EDNRB: variants seen among roughly 807,000 people sequenced by gnomAD.
EDNRB encodes the protein Hirschsprung disease 2.
In EDNRB, 18 loss-of-function variants were observed where a neutral mutation model predicts 46.4. That is an observed-to-expected ratio of 0.39 (90% CI 0.27 to 0.57). The LOEUF (loss-of-function observed/expected upper bound fraction) is 0.57, where lower values mean the gene tolerates loss of function less well. EDNRB is among the 20% of genes least tolerant of loss of function. EDNRB has a pLI of 0.61. For missense variants in EDNRB, 434 were observed against 537.5 expected (o/e 0.81, Z 1.90); for synonymous variants, 213 against 204.9 (o/e 1.04, Z -0.34).
intron 1 of EDNRB, among the ~76,000 whole-genome samples, chr13:77,948,708 A>G (rs1261426156): frequency 1.3e-5 from 2 of 152,200 alleles, no homozygotes. Context: ...TATTATAAGA[A>G]TATTGATATT....
intron 1 of EDNRB, among the ~76,000 whole-genome samples, chr13:77,915,693 T>C (rs1304539195): frequency 1.3e-5 from 2 of 152,222 alleles, no homozygotes; most frequent in Non-Finnish European, 2.9e-5. Context: ...GCCATTATTA[T>C]GATATTGTGT....
intron 1 of EDNRB, among the ~76,000 whole-genome samples, chr13:77,942,345 C>T (rs562319121): frequency 6.6e-5 from 10 of 152,086 alleles, no homozygotes; most frequent in African/African-American, 1.7e-4. Context: ...TTCACAACAA[C>T]GCTGAAAGAT....
chr13:77,940,167 T>C (rs1216294392), intron 1 of EDNRB, among the ~76,000 whole-genome samples: 2 of 152,180 alleles, frequency 1.3e-5, no homozygotes, highest in Non-Finnish European at 2.9e-5. Context: ...ACCACTGTAT[T>C]CCAGGTGCTA....
chr13:77,968,026 C>A (rs1220069855), intron 1 of EDNRB, among the ~76,000 whole-genome samples: 6 of 152,106 alleles, frequency 3.9e-5, no homozygotes, highest in African/African-American at 1.2e-4. Flanking sequence ...TAAGTTTATT[C>A]CCTAAGTTCA....
intron 1 of EDNRB, among the ~76,000 whole-genome samples, chr13:77,940,295 G>T (rs918936993): frequency 6.7e-6 from 1 of 150,328 alleles, no homozygotes; most frequent in Admixed American, 6.7e-5. Context: ...CATAAAAGAG[G>T]AAATGGTTAA....
At chr13:77,969,686 C>T (rs1881675195) in intron 1 of EDNRB, among the ~76,000 whole-genome samples, 1 of 152,184 alleles carries the variant, frequency 6.6e-6, no homozygotes, top group Non-Finnish European at 1.5e-5. Context: ...TACCCGCCTG[C>T]ACCATTTTCA....
At chr13:77,935,826 A>G (rs1335133960) in intron 1 of EDNRB, among the ~76,000 whole-genome samples, 1 of 152,216 alleles carries the variant, frequency 6.6e-6, no homozygotes, top group African/African-American at 2.4e-5. Context: ...CCAGAACAGA[A>G]TAATGGATTG....
chr13:77,948,744 C>T (rs1566332969), intron 1 of EDNRB, among the ~76,000 whole-genome samples: 1 of 152,186 alleles, frequency 6.6e-6, no homozygotes, highest in East Asian at 1.9e-4. Flanking sequence ...CAACTCAAGA[C>T]TTGTAGCGTC....
intron 1 of EDNRB, among the ~76,000 whole-genome samples, chr13:77,948,774 CA>C: frequency 6.6e-6 from 1 of 152,176 alleles, no homozygotes; most frequent in Non-Finnish European, 1.5e-5. Context: ...CCATTTACTG[CA>C]AAAAATTCCA....
In EDNRB at chr13:77,918,577, G is replaced by T; in HGVS notation, c.-4C>A. On this transcript the variant is annotated 5_prime_UTR_variant, in exon 1 of 7. Coordinates refer to ENST00000646607, the MANE Select transcript of EDNRB (RefSeq NM_001122659.3). This position sits in a 1 kb window ranked among gnomAD's most constrained non-coding sequence, Gnocchi z 4.5. The stretch of plus-strand genomic sequence containing the variant: ...ACAGACTTGGAGGCGGCTGCATGCT[G>T]CTACCTGCTCCAGAAGGCGTCCGGT... The T allele has an allele frequency of 6.3e-7, 1 of 1,591,490 alleles. No homozygotes were observed.
intron 1 of EDNRB, among the ~76,000 whole-genome samples, chr13:77,942,038 C>G (rs1417633958): frequency 1.3e-5 from 2 of 152,180 alleles, no homozygotes; most frequent in African/African-American, 4.8e-5. Flanking sequence ...GTGCTTACCT[C>G]TGATGTCAAT....
chr13:77,935,021 A>G (rs201030917), intron 1 of EDNRB, among the ~76,000 whole-genome samples: 4,526 of 113,064 alleles, frequency 0.04, 538 homozygotes, highest in East Asian at 0.27. Flanking sequence ...TCTGGGCCAG[A>G]AACAATGGTA....
chr13:77,963,069 T>G (rs1213109218), intron 1 of EDNRB, among the ~76,000 whole-genome samples: 1 of 152,180 alleles, frequency 6.6e-6, no homozygotes, highest in Non-Finnish European at 1.5e-5. Flanking sequence ...ACAAGGGATG[T>G]GAAGGACCTC....
chr13:77,902,703 G>A (rs1879061058), intron 3 of EDNRB, among the ~76,000 whole-genome samples: 1 of 151,950 alleles, frequency 6.6e-6, no homozygotes, highest in South Asian at 2.1e-4. Context: ...ATGCAGCAGT[G>A]GGAACTAGCT....
intron 1 of EDNRB, among the ~76,000 whole-genome samples, chr13:77,951,790 T>G (rs1023591046): frequency 2.6e-5 from 4 of 152,056 alleles, no homozygotes; most frequent in African/African-American, 9.7e-5. Flanking sequence ...GAGAGGAGGC[T>G]TTAACCCTCT....
chr13:77,924,954 G>C (rs529675524), intron 1 of EDNRB, among the ~76,000 whole-genome samples: 1 of 152,298 alleles, frequency 6.6e-6, no homozygotes, highest in African/African-American at 2.4e-5. Context: ...ATGTGGAGCT[G>C]TAAGTCCAAT....
rs148877646 is a variant in EDNRB at position 77,945,153 on chromosome 13, T to A, written c.-51-26529A>T. Among the ~76,000 whole-genome samples, 8 of 152,334 alleles carry A rather than the reference T, an allele frequency of 5.3e-5. No individual in the cohort carries two copies. The East Asian group carries it at 1.5e-3, about 29-fold the overall frequency. ...TGACAATTTCAGTCTCAGGGTTGCA[T>A]GGCTTCACTGAGGTGTACATGTGTA... is the stretch of plus-strand genomic sequence containing the variant. On this transcript the variant is annotated intron_variant, in intron 1 of 7. Transcript: ENST00000646948.
In EDNRB at chr13:77,897,311, G is replaced by A. The variant is rs200568490; in HGVS notation, c.*889C>T. 8.1e-6 allele frequency: 8 copies of A among 985,228 alleles called. No homozygotes were observed. The highest frequency in any genetic ancestry group is 6.0e-6 in the Non-Finnish European group (5 of 829,864). The allele number at this position is 985,228 out of a possible 1,614,324, so 61.0% of individuals were successfully genotyped here. ...AGTTTAAGCTACGATAGTGAAAGAA[G>A]AAGATTTTAATAATCCTGAAAAAAT... On this transcript the variant is annotated 3_prime_UTR_variant, in exon 7 of 7. Coordinates refer to ENST00000646607, the MANE Select transcript of EDNRB (RefSeq NM_001122659.3).
intron 1 of EDNRB, among the ~76,000 whole-genome samples, chr13:77,968,783 G>C (rs187650340): frequency 1.3e-5 from 2 of 152,180 alleles, no homozygotes; most frequent in Admixed American, 1.3e-4. Flanking sequence ...TCCTGAGCTG[G>C]TTCTGTGTCA....
Sources: gnomAD v4.1 joint callset for allele counts (sites outside exome capture counted in the v4.1 genomes callset) on GRCh38, gnomAD v4.1.1 for gene constraint, Gnocchi (gnomAD v3.1) non-coding constraint, MANE v1.5 for transcripts, NCBI Gene and HGNC (gene_info 2026-07-23, HGNC 2026-07-21) for gene names.